The following OTX1 variants were observed in gnomAD, a reference collection of about 807,000 sequenced individuals.
OTX1 encodes orthodenticle homeobox 1, also known as homeobox protein OTX1.
In OTX1, 7 loss-of-function variants were observed where a neutral mutation model predicts 26.7. That is an observed-to-expected ratio of 0.26 (90% CI 0.15 to 0.49). The LOEUF (loss-of-function observed/expected upper bound fraction) is 0.49, where lower values mean the gene tolerates loss of function less well. Ranked by LOEUF, OTX1 falls within the 20% of genes least tolerant of loss-of-function variation. The pLI, the probability that OTX1 is intolerant of heterozygous loss-of-function variation, is 0.98. For missense variants in OTX1, 414 were observed against 483.8 expected, an observed-to-expected ratio of 0.86 and a Z score of 1.35; for synonymous variants, 216 against 212.8, an observed-to-expected ratio of 1.01 and a Z score of -0.13.
Position 63,054,582 on chromosome 2 carries a change from C to G in OTX1, c.249+384C>G, listed in dbSNP as rs565785983. ...TTAGAGGCCTGAATTCTGCCTCTGC[C>G]CTTGTCTTCCACCCCGGGAATCCTA... On this transcript the variant is annotated intron_variant, in intron 4 of 4. Coordinates refer to ENST00000282549, the MANE Select transcript of OTX1 (RefSeq NM_014562.4). Among the ~76,000 whole-genome samples the G allele has an allele frequency of 5.3e-5, 8 of 152,374 alleles. No individual in the cohort carries two copies. The South Asian group carries it at 1.2e-3, about 24-fold the overall frequency.
chr2:63,054,222 G>T, intron 4 of OTX1, 24 bp downstream of exon 4: 1 of 1,565,710 alleles, frequency 6.4e-7, no homozygotes. Context: ...GGGCTCCAGG[G>T]TCTGGGTAGG....
Position 63,055,930 on chromosome 2 carries a change from C to A in OTX1, c.679C>A (p.Gln227Lys), listed in dbSNP as rs2062063609. Residue 227 changes from glutamine to lysine, a missense_variant, in exon 5 of 5, where the codon CAG becomes AAG. Around this residue, in one of 3 missense-constraint regions of OTX1, gnomAD observed 320 missense variants for 347.9 expected, o/e 0.92. Coordinates refer to ENST00000282549, the MANE Select transcript of OTX1 (RefSeq NM_014562.4). The surrounding 1 kb of genome is among the most constrained non-coding windows in gnomAD (Gnocchi z 5.2). The part of the protein sequence containing the change: ...AAASYPMSYG[Q>K]GGSYGQGYPT... ...AGCCTCTTATCCCATGTCCTACGGC[C>A]AGGGCGGCAGCTACGGCCAAGGCTA... 6.2e-7 allele frequency: 1 copy of A among 1,612,906 alleles called. No individual in the cohort carries two copies. The highest frequency in any genetic ancestry group is 2.2e-5 in the East Asian group (1 of 44,884).
In OTX1 at chr2:63,055,446, C is replaced by A; in HGVS notation, c.250-55C>A. The A allele has an allele frequency of 3.3e-6, 5 of 1,535,342 alleles. No homozygotes were observed. The highest frequency in any genetic ancestry group is 2.3e-4 in the Middle Eastern group (1 of 4,410). On this transcript the variant is annotated intron_variant, in intron 4 of 4. Coordinates refer to ENST00000282549, the MANE Select transcript of OTX1 (RefSeq NM_014562.4). This position sits in a 1 kb window ranked among gnomAD's most constrained non-coding sequence, Gnocchi z 5.2. ...GAGTTGGGTCCGCGGGGCGGTGGAG[C>A]AACAAGCTCCCCTAGCTCCCTTTGA...
chr2:63,055,350 G>A lies in OTX1; in HGVS notation c.250-151G>A. 1 of 781,000 alleles carries A rather than the reference G, an allele frequency of 1.3e-6. No individual in the cohort carries two copies. The highest frequency in any genetic ancestry group is 2.0e-6 in the Non-Finnish European group (1 of 499,924). The allele number at this position is 781,000 out of a possible 1,614,324, so 48.4% of individuals were successfully genotyped here. On this transcript the variant is annotated intron_variant, in intron 4 of 4. Transcript: ENST00000282549. The surrounding 1 kb of genome is among the most constrained non-coding windows in gnomAD (Gnocchi z 5.2). ...GAGCTGGGAACCGAGGTAGGGGGCA[G>A]GGTCTGGCCAGGCCAGAGACAGGAA... is the stretch of plus-strand genomic sequence containing the variant.
At chr2:63,052,558 C>G (rs1276332949) in intron 2 of OTX1, among the ~76,000 whole-genome samples, 1 of 152,218 alleles carries the variant, frequency 6.6e-6, no homozygotes, top group African/African-American at 2.4e-5. Context: ...TGGCTTCTGC[C>G]GGATTCAGAA....
chr2:63,053,129 G>A, intron 3 of OTX1, 42 bp downstream of exon 3: 2 of 1,345,152 alleles, frequency 1.5e-6, no homozygotes, highest in Non-Finnish European at 2.0e-6. Context: ...CCTCTCAAAT[G>A]TTGGGGACCC....
At chr2:63,053,488 AGCGGCAG>A in intron 3 of OTX1, 1 of 197,254 alleles carries the variant, frequency 5.1e-6, no homozygotes, top group Non-Finnish European at 1.0e-5. Flanking sequence ...CCTTATGCGA[AGCGGCAG>A]GCTGCACTGA....
upstream of OTX1, among the ~76,000 whole-genome samples, chr2:63,050,498 G>A (rs893794334): frequency 5.3e-5 from 8 of 152,212 alleles, no homozygotes; most frequent in Non-Finnish European, 8.8e-5. Flanking sequence ...CCGAGAGCGC[G>A]AGAAGGGCGG....
chr2:63,054,793 G>T lies in OTX1; in HGVS notation c.249+595G>T, dbSNP rs1313090453. ...ACTCAGAACTCTCCTCAAGAGTCTCGCCTCCTTTACTCGAAAGCTTGAGAA... is the reference window on the plus strand; with the variant it reads ...ACTCAGAACTCTCCTCAAGAGTCTCTCCTCCTTTACTCGAAAGCTTGAGAA... On this transcript the variant is annotated intron_variant, in intron 4 of 4. Coordinates refer to ENST00000282549, the MANE Select transcript of OTX1 (RefSeq NM_014562.4). Among the ~76,000 whole-genome samples, 6 of 152,128 alleles carry T rather than the reference G, an allele frequency of 3.9e-5. 1 individual carries two copies. Among genetic ancestry groups the T allele is most frequent in the Non-Finnish European group, 8.8e-5 (6 of 68,026 alleles).
At chr2:63,052,834 CA>C (rs1161967298) in intron 2 of OTX1, 45 bp from the exon 3 acceptor site, 1 of 571,712 alleles carries the variant, frequency 1.7e-6, no homozygotes, top group African/African-American at 2.0e-5. Flanking sequence ...ACTTGGCAGC[CA>C]AGTGGCTCCG....
upstream of OTX1, among the ~76,000 whole-genome samples, chr2:63,050,348 G>T (rs1377899064): frequency 6.6e-6 from 1 of 152,186 alleles, no homozygotes; most frequent in African/African-American, 2.4e-5. Flanking sequence ...CGGGAGAGGG[G>T]CCGAGGCCCG....
At chr2:63,049,981 G>C (rs966977271), upstream of OTX1, 1 of 152,324 alleles carries the variant, frequency 6.6e-6, no homozygotes, top group Non-Finnish European at 1.5e-5. The surrounding 1 kb of genome is among the most constrained non-coding windows in gnomAD (Gnocchi z 4.8). Flanking sequence ...CTAAGAAAGA[G>C]AGAGAAAGAG....
rs763012534 is a variant in OTX1, at chr2:63,056,123, GCCACCACCACCACCATCACCA to G, written c.885_905del (p.His295_His301del). On this transcript the variant is annotated inframe_deletion, in exon 5 of 5. Coordinates refer to ENST00000282549, the MANE Select transcript of OTX1 (RefSeq NM_014562.4). Reference sequence around the variant, plus strand: ...CACCACCCGTTGAGCCAGTCCTCAGGCCACCACCACCACCATCACCACCACCACCACCAAGGCTACGGTGGC... The same window carrying G: ...CACCACCCGTTGAGCCAGTCCTCAGGCCACCACCACCAAGGCTACGGTGGC... The G allele has an allele frequency of 2.5e-6, 4 of 1,613,586 alleles. No individual in the cohort carries two copies. The highest frequency in any genetic ancestry group is 1.7e-6 in the Non-Finnish European group (2 of 1,179,950).
intron 3 of OTX1, 32 bp downstream of exon 3, chr2:63,053,119 C>A: frequency 7.0e-7 from 1 of 1,432,554 alleles, no homozygotes; most frequent in Non-Finnish European, 9.4e-7. Flanking sequence ...CCTGCCTCAG[C>A]CTCTCAAATG....
At chr2:63,051,059 A>G (rs1397434197) in intron 1 of OTX1, 162 bp downstream of exon 1, 1 of 152,262 alleles carries the variant, frequency 6.6e-6, no homozygotes, top group African/African-American at 2.4e-5. Flanking sequence ...ATCCCAGGCG[A>G]GGCAATGTCC....
chr2:63,052,948 G>C lies in OTX1; in HGVS notation c.-43G>C. Reference sequence around the variant, plus strand: ...GGAGCCCTGCACCGCTCCTGGCCCCGGGCCCCCTGGATCCGTCGGGGCGCC... The same window carrying C: ...GGAGCCCTGCACCGCTCCTGGCCCCCGGCCCCCTGGATCCGTCGGGGCGCC... On this transcript the variant is annotated 5_prime_UTR_variant, in exon 3 of 5. Transcript: ENST00000282549. 7.1e-7 allele frequency: 1 copy of C among 1,406,160 alleles called. No individual in the cohort carries two copies. The highest frequency in any genetic ancestry group is 1.0e-6 in the Non-Finnish European group (1 of 1,000,792). 87.1% of individuals were successfully genotyped at this position (1,406,160 alleles called of 1,614,324 possible). A position where few individuals can be genotyped will look rare whatever the true frequency, so the allele number is the denominator to read the frequency against.
In OTX1 at chr2:63,055,724, G is replaced by A; in HGVS notation, c.473G>A (p.Gly158Asp). The A allele has an allele frequency of 6.2e-7, 1 of 1,613,128 alleles. No homozygotes were observed. The highest frequency in any genetic ancestry group is 8.5e-7 in the Non-Finnish European group (1 of 1,179,780). The change falls in exon 5 of 5, where the codon GGT becomes GAT. Residue 158 changes from glycine (G) to aspartate (D), a missense_variant. Transcript: ENST00000282549. The surrounding 1 kb of genome is among the most constrained non-coding windows in gnomAD (Gnocchi z 5.2). ...GCGGCTGCAGCGGCTGCGGGACTAG[G>A]TGGGAACCCGGTGGCGGCCGCGTCG... ...NPAAAAAAGL[G>D]GNPVAAASSL...
At position 63,055,485 on chromosome 2, in the gene OTX1, A is replaced by G. The variant is rs2062056916; in HGVS notation, c.250-16A>G. 1.2e-6 allele frequency: 2 copies of G among 1,606,856 alleles called. No homozygotes were observed. Among genetic ancestry groups the G allele is most frequent in the Non-Finnish European group, 1.7e-6 (2 of 1,175,896 alleles). ...AGCTCCCTTTGACCCACTCTCCCCCATCCGGCCCACTGCAGGTCTGGTTCA... is the reference window on the plus strand; with the variant it reads ...AGCTCCCTTTGACCCACTCTCCCCCGTCCGGCCCACTGCAGGTCTGGTTCA... On this transcript the variant is annotated splice_polypyrimidine_tract_variant and intron_variant, in intron 4 of 4. Coordinates refer to ENST00000282549, the MANE Select transcript of OTX1 (RefSeq NM_014562.4). The surrounding 1 kb of genome is among the most constrained non-coding windows in gnomAD (Gnocchi z 5.2).
upstream of OTX1, chr2:63,050,158 T>C (rs958120694): frequency 2.6e-5 from 4 of 152,182 alleles, no homozygotes; most frequent in Admixed American, 2.6e-4. Context: ...AGCAGGTAAG[T>C]GGCGGCGCCC....
Sources: allele counts gnomAD v4.1 joint callset (sites outside exome capture counted in the v4.1 genomes callset), GRCh38; gene constraint gnomAD v4.1.1; regional missense constraint gnomAD v4.1.1; non-coding constraint Gnocchi (gnomAD v3.1); transcripts MANE v1.5; gene names NCBI Gene and HGNC (gene_info 2026-07-23, HGNC 2026-07-21).